Variants in EYA4 observed in about 807,000 individuals in gnomAD.
EYA4 encodes protein phosphatase EYA4.
A neutral mutation model predicts 87.9 loss-of-function variants in EYA4; 31 were observed. The observed-to-expected ratio is 0.35, with a 90% confidence interval of 0.27 to 0.48. The LOEUF (loss-of-function observed/expected upper bound fraction) is 0.48. Among genes scored for constraint, EYA4 ranks in the 20% least tolerant of loss-of-function variants. The pLI, the probability that EYA4 is intolerant of heterozygous loss-of-function variation, is 0.99. For missense variants in EYA4, 678 were observed against 761.4 expected (o/e 0.89, Z 1.29); for synonymous variants, 263 against 270.6 (o/e 0.97, Z 0.28).
chr6:133,441,354 C>T (rs1792268559), intron 3 of EYA4, among the ~76,000 whole-genome samples: 1 of 152,116 alleles, frequency 6.6e-6, no homozygotes, highest in African/African-American at 2.4e-5. Context: ...TTTCTTCTCC[C>T]TATGCAATAT....
chr6:133,512,800 T>C, intron 15 of EYA4, 21 bp downstream of exon 15: 1 of 1,611,292 alleles, frequency 6.2e-7, no homozygotes, highest in Non-Finnish European at 8.5e-7. Context: ...CCTTTCAGTA[T>C]GCTGTTTCCT....
At chr6:133,328,770 TA>T (rs1781699434) in intron 2 of EYA4, among the ~76,000 whole-genome samples, 1 of 152,142 alleles carries the variant, frequency 6.6e-6, no homozygotes, top group Non-Finnish European at 1.5e-5. Flanking sequence ...CCAATATTGA[TA>T]AATTTTTAAA....
chr6:133,326,710 C>T (rs750374209), intron 2 of EYA4, among the ~76,000 whole-genome samples: 4 of 152,164 alleles, frequency 2.6e-5, no homozygotes, highest in African/African-American at 4.8e-5. Context: ...ACACAGGGAC[C>T]GATTGTTCCC....
intron 12 of EYA4, among the ~76,000 whole-genome samples, chr6:133,482,646 A>C (rs1202005210): frequency 6.6e-6 from 1 of 152,204 alleles, no homozygotes; most frequent in Non-Finnish European, 1.5e-5. Flanking sequence ...TCTTTTAAAT[A>C]TTTCTTTAAA....
intron 2 of EYA4, among the ~76,000 whole-genome samples, chr6:133,311,967 T>A (rs902790238): frequency 6.6e-6 from 1 of 152,180 alleles, no homozygotes; most frequent in South Asian, 2.1e-4. Context: ...GAAAGATCTG[T>A]TAAAAGTACA....
intron 11 of EYA4, among the ~76,000 whole-genome samples, chr6:133,469,310 A>G (rs1487270385): frequency 3.3e-5 from 5 of 152,142 alleles, no homozygotes; most frequent in African/African-American, 9.6e-5. Flanking sequence ...GAGACTCAGT[A>G]TAATCCTAAG....
intron 3 of EYA4, among the ~76,000 whole-genome samples, chr6:133,400,362 G>A (rs543182243): frequency 6.6e-6 from 1 of 152,194 alleles, no homozygotes; most frequent in South Asian, 2.1e-4. Context: ...ACAAAAATTA[G>A]TAGGGTGTGG....
intron 3 of EYA4, among the ~76,000 whole-genome samples, chr6:133,414,656 G>T (rs1339020751): frequency 5.3e-5 from 8 of 152,142 alleles, no homozygotes; most frequent in Non-Finnish European, 1.0e-4. Context: ...TTTCCCCAGG[G>T]GGTAAACTGG....
chr6:133,286,646 T>C (rs1268278950), intron 2 of EYA4, among the ~76,000 whole-genome samples: 1 of 152,214 alleles, frequency 6.6e-6, no homozygotes, highest in Non-Finnish European at 1.5e-5. Context: ...GATTCACCTC[T>C]ATCATAGCAG....
At chr6:133,378,747 T>G (rs1045535057) in intron 2 of EYA4, among the ~76,000 whole-genome samples, 6 of 152,184 alleles carry the variant, frequency 3.9e-5, no homozygotes, top group African/African-American at 1.4e-4. Context: ...TTGATATTTA[T>G]GTTTTCATTG....
chr6:133,518,358 A>C (rs1035644025), intron 17 of EYA4, among the ~76,000 whole-genome samples: 1 of 152,158 alleles, frequency 6.6e-6, no homozygotes, highest in African/African-American at 2.4e-5. Context: ...ATCAACATAC[A>C]TTGAGTAGTT....
chr6:133,418,611 A>G (rs535584137), intron 3 of EYA4, among the ~76,000 whole-genome samples: 16 of 152,350 alleles, frequency 1.1e-4, no homozygotes, highest in Admixed American at 2.6e-4. Flanking sequence ...TCAAATATAC[A>G]TAATTGATAA....
intron 2 of EYA4, among the ~76,000 whole-genome samples, chr6:133,307,262 T>C (rs1779882848): frequency 6.6e-6 from 1 of 152,234 alleles, no homozygotes; most frequent in African/African-American, 2.4e-5. Context: ...ATGAAATTTT[T>C]TGTGGCCTCC....
chr6:133,327,869 C>T lies in EYA4; in HGVS notation c.33+53056C>T, dbSNP rs113192289. 5.7e-4 allele frequency among the ~76,000 whole-genome samples: 87 copies of T among 152,234 alleles called. No individual in the cohort carries two copies. The Middle Eastern group carries it at 0.014, about 24-fold the overall frequency. On this transcript the variant is annotated intron_variant, in intron 2 of 19. Coordinates refer to ENST00000355286, the MANE Select transcript of EYA4 (RefSeq NM_004100.5). ...TAGGTAGGAAGCCACTGTGATTGTC[C>T]AGATGATAGCCTGGGCAGGATAGTA...
At chr6:133,330,142 G>A (rs745886145) in intron 2 of EYA4, among the ~76,000 whole-genome samples, 1 of 152,022 alleles carries the variant, frequency 6.6e-6, no homozygotes, top group East Asian at 1.9e-4. Flanking sequence ...AAAGTGGAAC[G>A]AGCTTCCTAG....
chr6:133,405,178 C>A (rs1459607011), intron 3 of EYA4, among the ~76,000 whole-genome samples: 3 of 152,114 alleles, frequency 2.0e-5, no homozygotes, highest in Non-Finnish European at 4.4e-5. Flanking sequence ...CCCCTGACTC[C>A]CTAACTGGAC....
intron 2 of EYA4, among the ~76,000 whole-genome samples, chr6:133,335,785 G>T (rs909125302): frequency 3.3e-5 from 5 of 152,116 alleles, no homozygotes; most frequent in Non-Finnish European, 5.9e-5. Context: ...AGCTGTGCGG[G>T]TAAGTAGGGG....
intron 3 of EYA4, among the ~76,000 whole-genome samples, chr6:133,420,202 T>C (rs1264414704): frequency 1.3e-5 from 2 of 151,286 alleles, no homozygotes; most frequent in African/African-American, 4.9e-5. Context: ...ATAGTGAATA[T>C]GCATTCATAT....
chr6:133,438,934 C>T (rs926256956), intron 3 of EYA4, among the ~76,000 whole-genome samples: 4 of 149,418 alleles, frequency 2.7e-5, no homozygotes, highest in East Asian at 2.0e-4. Context: ...CCCAGCTACT[C>T]GGGAGGCTGA....
Sources: allele counts gnomAD v4.1 joint callset (sites outside exome capture counted in the v4.1 genomes callset), GRCh38; gene constraint gnomAD v4.1.1; transcripts MANE v1.5; gene names NCBI Gene and HGNC (gene_info 2026-07-23, HGNC 2026-07-21).